Variants in ZBTB2 observed in about 807,000 individuals in gnomAD.
ZBTB2 encodes zinc finger and BTB domain containing 2.
ZBTB2 carries 2 observed loss-of-function variants against 39.5 expected under a neutral mutation model. That is an observed-to-expected ratio of 0.05 (90% CI 0.02 to 0.16). The LOEUF (loss-of-function observed/expected upper bound fraction) is 0.16. Among genes scored for constraint, ZBTB2 ranks in the 10% least tolerant of loss-of-function variants. ZBTB2 has a pLI of 1.00. For synonymous variants in ZBTB2, 251 were observed against 256.6 expected (o/e 0.98, Z 0.21); for missense variants, 391 against 653.0 (o/e 0.60, Z 4.37).
At chr6:151,371,325 T>C (rs1778784599) in intron 2 of ZBTB2, among the ~76,000 whole-genome samples, 1 of 152,138 alleles carries the variant, frequency 6.6e-6, no homozygotes, top group Non-Finnish European at 1.5e-5. Context: ...AGGGGGTAGG[T>C]ACACACATAA....
chr6:151,365,934 A>C lies in ZBTB2; in HGVS notation c.1132T>G (p.Trp378Gly). ...GTGTGTATGTACATGTGTTCCCTCC[A>C]GTGGCTTTTCTGGATAAATTTGCGT... ...CGRKFIQKSHWREHMYIHTGK... is the reference protein window; with the variant it reads ...CGRKFIQKSHGREHMYIHTGK... The change falls in exon 3 of 3, where the codon TGG (tryptophan) becomes GGG (glycine). Residue 378 changes from tryptophan (W) to glycine (G), a missense_variant. By Grantham distance (184) the Trp-to-Gly change is radical (BLOSUM62 -2). This residue lies in a region of ZBTB2 where 17 missense variants were observed against 67.6 expected (regional missense o/e 0.25). Transcript: ENST00000325144. This position sits in a 1 kb window ranked among gnomAD's most constrained non-coding sequence, Gnocchi z 5.6. 6.2e-7 allele frequency: 1 copy of C among 1,614,156 alleles called. No homozygotes were observed. Among genetic ancestry groups the C allele is most frequent in the South Asian group, 1.1e-5 (1 of 91,084 alleles).
At chr6:151,377,701 A>G (rs770934389) in intron 1 of ZBTB2, among the ~76,000 whole-genome samples, 14 of 151,704 alleles carry the variant, frequency 9.2e-5, no homozygotes, top group Non-Finnish European at 1.6e-4. Flanking sequence ...CACCATGCCC[A>G]GCTTATTTTT....
intron 1 of ZBTB2, among the ~76,000 whole-genome samples, chr6:151,390,487 C>T (rs1779266021): frequency 1.3e-5 from 2 of 150,272 alleles, no homozygotes; most frequent in South Asian, 2.1e-4. Flanking sequence ...AACACAATGC[C>T]GACGCCTACG....
chr6:151,380,224 G>GA (rs781586569), intron 1 of ZBTB2, among the ~76,000 whole-genome samples: 2 of 151,674 alleles, frequency 1.3e-5, no homozygotes, highest in Non-Finnish European at 1.5e-5. Flanking sequence ...AGATCAACTT[G>GA]AAAAAAATCT....
intron 2 of ZBTB2, among the ~76,000 whole-genome samples, chr6:151,368,182 T>C (rs1778691344): frequency 6.6e-6 from 1 of 152,246 alleles, no homozygotes; most frequent in Admixed American, 6.5e-5. Flanking sequence ...AGTCTTGCTC[T>C]GTCACCCAGG....
rs559369699 is a variant in ZBTB2 at position 151,377,730 on chromosome 6, A to T, written c.-12-4081T>A. Among the ~76,000 whole-genome samples the T allele has an allele frequency of 3.8e-4, 58 of 151,644 alleles. 1 individual carries two copies. The highest frequency in any genetic ancestry group is 1.5e-4 in the Non-Finnish European group (10 of 67,924). ...TATTTTTTAGTAGAGATGGGGTTTC[A>T]CCATGTTGTTAGCCAGGACAGTCTT... On this transcript the variant is annotated intron_variant, in intron 1 of 2. Coordinates refer to ENST00000325144, the MANE Select transcript of ZBTB2 (RefSeq NM_020861.3).
At chr6:151,390,841 AGCAGGAGGCGGCG>A (rs1779281290) in intron 1 of ZBTB2, among the ~76,000 whole-genome samples, 1 of 144,360 alleles carries the variant, frequency 6.9e-6, no homozygotes, top group Admixed American at 6.8e-5. Context: ...CGGCGGCAGC[AGCAGGAGGCGGCG>A]GCGAGGCGTC....
chr6:151,389,558 CCA>C (rs1190123827), intron 1 of ZBTB2, among the ~76,000 whole-genome samples: 1 of 152,138 alleles, frequency 6.6e-6, no homozygotes, highest in African/African-American at 2.4e-5. Flanking sequence ...TTAAGCAAAC[CCA>C]GAGACCCCCT....
At chr6:151,368,717 G>C (rs1224987553) in intron 2 of ZBTB2, among the ~76,000 whole-genome samples, 4 of 151,636 alleles carry the variant, frequency 2.6e-5, no homozygotes, top group Non-Finnish European at 5.9e-5. Flanking sequence ...GCCTCCCAAA[G>C]TGATGGGATT....
intron 1 of ZBTB2, among the ~76,000 whole-genome samples, chr6:151,387,954 G>A (rs1325619297): frequency 6.6e-6 from 1 of 152,002 alleles, no homozygotes; most frequent in Admixed American, 6.6e-5. Context: ...CTATCAATTC[G>A]AAGTAATATT....
intron 1 of ZBTB2, among the ~76,000 whole-genome samples, chr6:151,388,865 C>T (rs982645426): frequency 6.6e-6 from 1 of 152,130 alleles, no homozygotes; most frequent in African/African-American, 2.4e-5. Context: ...ATTTACATCC[C>T]CTTTGAAGAG....
In ZBTB2 at chr6:151,376,018, G is replaced by A. The variant is rs547792881; in HGVS notation, c.-12-2369C>T. 7.0e-4 allele frequency among the ~76,000 whole-genome samples: 106 copies of A among 152,310 alleles called. 1 individual carries two copies. The South Asian group carries it at 8.5e-3, about 12-fold the overall frequency. On this transcript the variant is annotated intron_variant, in intron 1 of 2. Coordinates refer to ENST00000325144, the MANE Select transcript of ZBTB2 (RefSeq NM_020861.3). ...ATAGAACAAAACTGTGAACCCAGAA[G>A]TAGACACACATAAATATGCACAACT...
rs987616834 is a variant in ZBTB2, at chr6:151,365,111, G to A, written c.*410C>T. 4 of 183,666 alleles carry A rather than the reference G, an allele frequency of 2.2e-5. No individual in the cohort carries two copies. The highest frequency in any genetic ancestry group is 2.4e-5 in the African/African-American group (1 of 41,990). The allele number at this position is 183,666 out of a possible 1,614,324, so 11.4% of individuals were successfully genotyped here. On this transcript the variant is annotated 3_prime_UTR_variant, in exon 3 of 3. Coordinates refer to ENST00000325144, the MANE Select transcript of ZBTB2 (RefSeq NM_020861.3). The surrounding 1 kb of genome is among the most constrained non-coding windows in gnomAD (Gnocchi z 5.6). ...ATTTTGCATAGTACAGAGCCCAGCC[G>A]TATTTCTAAGCAGCACGCTGTTATT...
At chr6:151,384,252 G>T (rs1183487010) in intron 1 of ZBTB2, among the ~76,000 whole-genome samples, 1 of 152,220 alleles carries the variant, frequency 6.6e-6, no homozygotes, top group African/African-American at 2.4e-5. Context: ...TCATGTTAAG[G>T]ATTTTGGTCC....
At chr6:151,373,868 A>ACAC (rs1337227355) in intron 1 of ZBTB2, among the ~76,000 whole-genome samples, 1 of 146,852 alleles carries the variant, frequency 6.8e-6, no homozygotes, top group African/African-American at 2.6e-5. Flanking sequence ...AAAAAAAAAA[A>ACAC]AAAAAAAAAC....
intron 2 of ZBTB2, 56 bp downstream of exon 2, chr6:151,373,409 G>C: frequency 3.1e-6 from 5 of 1,593,920 alleles, no homozygotes; most frequent in Non-Finnish European, 4.3e-6. Flanking sequence ...GAGGGCCAGG[G>C]ACATGGAGGT....
chr6:151,377,158 G>GA (rs1171321715), intron 1 of ZBTB2, among the ~76,000 whole-genome samples: 1 of 151,986 alleles, frequency 6.6e-6, no homozygotes, highest in East Asian at 1.9e-4. Context: ...TAGTGGTGGG[G>GA]GGGGTGTGGG....
At chr6:151,384,813 A>C (rs1428283568) in intron 1 of ZBTB2, among the ~76,000 whole-genome samples, 1 of 152,198 alleles carries the variant, frequency 6.6e-6, no homozygotes, top group African/African-American at 2.4e-5. Flanking sequence ...CCATGTCCTT[A>C]AATCACTACA....
chr6:151,366,951 G>T lies in ZBTB2; in HGVS notation c.174-59C>A. 6.7e-7 allele frequency: 1 copy of T among 1,494,608 alleles called. No homozygotes were observed. The allele number at this position is 1,494,608 out of a possible 1,614,324, so 92.6% of individuals were successfully genotyped here. On this transcript the variant is annotated intron_variant, in intron 2 of 2. Coordinates refer to ENST00000325144, the MANE Select transcript of ZBTB2 (RefSeq NM_020861.3). This position sits in a 1 kb window ranked among gnomAD's most constrained non-coding sequence, Gnocchi z 7.1. ...ATGCCAGTCTAGGTGTTAACATAAA[G>T]CCTGAAGAAAAAAATGAATGCTTAA...
Sources: gnomAD v4.1 joint callset for allele counts (sites outside exome capture counted in the v4.1 genomes callset) on GRCh38, gnomAD v4.1.1 for gene constraint, gnomAD v4.1.1 regional missense constraint, Gnocchi (gnomAD v3.1) non-coding constraint, MANE v1.5 for transcripts, NCBI Gene and HGNC (gene_info 2026-07-23, HGNC 2026-07-21) for gene names.